ROR1: variants seen among roughly 807,000 people sequenced by gnomAD.
The protein encoded by ROR1 is ROR family WNT receptor 1, also known as inactive tyrosine-protein kinase transmembrane receptor ROR1.
Under a neutral mutation model 78.8 loss-of-function variants are expected in ROR1, and 19 were observed. That is an observed-to-expected ratio of 0.24 (90% confidence interval 0.17 to 0.35). The LOEUF is 0.35. ROR1 is among the 10% of genes least tolerant of loss of function. The probability of loss-of-function intolerance (pLI) is 1.00; values close to 1 mark genes in which losing one functional copy is unlikely to be tolerated. For synonymous variants in ROR1, 386 were observed against 433.6 expected (o/e 0.89, Z 1.36); for missense variants, 917 against 1,177.8 (o/e 0.78, Z 3.24).
intron 4 of ROR1, among the ~76,000 whole-genome samples, chr1:64,085,716 G>C (rs1285456279): frequency 6.6e-6 from 1 of 152,104 alleles, no homozygotes; most frequent in Non-Finnish European, 1.5e-5. Flanking sequence ...AGTGCACAGA[G>C]CTTCCCTGCA....
chr1:63,998,175 C>T (rs1570036047), intron 1 of ROR1, among the ~76,000 whole-genome samples: 1 of 152,024 alleles, frequency 6.6e-6, no homozygotes, highest in Non-Finnish European at 1.5e-5. Context: ...CCCTCCCTCT[C>T]AAGAAGTTTA....
intron 4 of ROR1, among the ~76,000 whole-genome samples, chr1:64,118,763 G>C (rs1353490007): frequency 6.6e-6 from 1 of 151,578 alleles, no homozygotes; most frequent in Admixed American, 6.6e-5. Flanking sequence ...ACAACACCCA[G>C]TTAACAAGCC....
chr1:64,111,087 T>C (rs986696405), intron 4 of ROR1: 15 of 152,298 alleles, frequency 9.8e-5, no homozygotes, highest in Admixed American at 4.6e-4. Flanking sequence ...TGTCAGTCCC[T>C]GGCATCACCT....
intron 1 of ROR1, among the ~76,000 whole-genome samples, chr1:63,788,543 C>T (rs566184392): frequency 3.3e-5 from 5 of 151,512 alleles, no homozygotes; most frequent in South Asian, 4.2e-4. Context: ...GGAAAGAGGC[C>T]GGCATTGATT....
intron 1 of ROR1, among the ~76,000 whole-genome samples, chr1:63,833,862 G>T (rs1355446546): frequency 6.6e-6 from 1 of 150,992 alleles, no homozygotes; most frequent in Non-Finnish European, 1.5e-5. Context: ...TTCTAGTTAT[G>T]CCCTTGAATG....
rs1649218733 is a variant in ROR1, at chr1:64,139,070, G to A, written c.611-1039G>A. Among the ~76,000 whole-genome samples the A allele has an allele frequency of 2.0e-5, 3 of 151,226 alleles. No individual in the cohort carries two copies. The South Asian group carries it at 6.2e-4, about 31-fold the overall frequency. On this transcript the variant is annotated intron_variant, in intron 5 of 8. Transcript: ENST00000371079. ...TAGTCCCAGCTATGTGGGAGGCTGA[G>A]GCATGAGAATCCCTTGAAACTGGAA...
intron 1 of ROR1, among the ~76,000 whole-genome samples, chr1:63,797,770 G>C (rs1644770223): frequency 6.6e-6 from 1 of 151,900 alleles, no homozygotes; most frequent in Admixed American, 6.5e-5. Flanking sequence ...TGTTTGTTAT[G>C]GTTATCATTT....
intron 1 of ROR1, among the ~76,000 whole-genome samples, chr1:63,943,093 TAAAAAA>T (rs56230309): frequency 5.2e-5 from 6 of 114,980 alleles, no homozygotes; most frequent in Admixed American, 9.5e-5. Context: ...ACCCTGTCTT[TAAAAAA>T]AAAAAAAAAA....
At chr1:64,095,637 G>T (rs1210517266) in intron 4 of ROR1, among the ~76,000 whole-genome samples, 1 of 152,072 alleles carries the variant, frequency 6.6e-6, no homozygotes, top group African/African-American at 2.4e-5. Flanking sequence ...GAATTCTATA[G>T]TTATCATTTG....
chr1:63,947,306 T>C (rs1024861054), intron 1 of ROR1, among the ~76,000 whole-genome samples: 13 of 152,214 alleles, frequency 8.5e-5, no homozygotes, highest in Non-Finnish European at 1.6e-4. Flanking sequence ...TTACCATCTA[T>C]GCTAATATGG....
chr1:63,850,960 G>T (rs1434284186), intron 1 of ROR1, among the ~76,000 whole-genome samples: 2 of 151,946 alleles, frequency 1.3e-5, no homozygotes, highest in African/African-American at 4.8e-5. Flanking sequence ...TGGTTTTTTG[G>T]TTTTTTGTTT....
intron 7 of ROR1, among the ~76,000 whole-genome samples, chr1:64,152,987 T>C (rs1245909421): frequency 1.3e-5 from 2 of 152,192 alleles, no homozygotes; most frequent in Non-Finnish European, 2.9e-5. Flanking sequence ...TGATCAAATG[T>C]TTTGCTAAAG....
chr1:63,780,643 G>C (rs979575086), intron 1 of ROR1, among the ~76,000 whole-genome samples: 2 of 152,150 alleles, frequency 1.3e-5, no homozygotes, highest in African/African-American at 4.8e-5. Context: ...CAAGGTTTTA[G>C]GACTCCAGAG....
intron 1 of ROR1, among the ~76,000 whole-genome samples, chr1:63,970,339 G>A (rs1047315109): frequency 6.6e-6 from 1 of 152,170 alleles, no homozygotes; most frequent in Non-Finnish European, 1.5e-5. Context: ...ATCTAGCCCA[G>A]TAATATGTAA....
At chr1:64,060,748 C>G (rs1293636049) in intron 4 of ROR1, among the ~76,000 whole-genome samples, 1 of 152,130 alleles carries the variant, frequency 6.6e-6, no homozygotes, top group Admixed American at 6.5e-5. Context: ...AGACTCAGCA[C>G]TCTGCAGAGA....
rs1314820792 is a variant in ROR1, at chr1:64,174,773, C to A, written c.1387-2655C>A. Among the ~76,000 whole-genome samples the A allele has an allele frequency of 2.6e-5, 4 of 152,212 alleles. No homozygotes were observed. In the East Asian group the frequency reaches 5.8e-4, roughly 22 times the overall value. ...CTTAATGTCATGCAGGAAAAATTCA[C>A]CTTGAGTTACTCTTGCCAGCAAAAG... On this transcript the variant is annotated intron_variant, in intron 8 of 8. Transcript: ENST00000371079.
intron 1 of ROR1, among the ~76,000 whole-genome samples, chr1:63,822,169 C>T (rs911934119): frequency 2.9e-4 from 44 of 152,182 alleles, no homozygotes; most frequent in African/African-American, 9.7e-4. Context: ...ACATGTGAAA[C>T]ACTAGAATGG....
chr1:63,876,288 T>C (rs893596037), intron 1 of ROR1, among the ~76,000 whole-genome samples: 1 of 152,166 alleles, frequency 6.6e-6, no homozygotes, highest in Non-Finnish European at 1.5e-5. Context: ...GTCTATTGAT[T>C]CATAAAAAAT....
intron 2 of ROR1, among the ~76,000 whole-genome samples, chr1:64,028,590 T>G (rs1646634451): frequency 6.6e-6 from 1 of 152,176 alleles, no homozygotes; most frequent in Admixed American, 6.6e-5. Flanking sequence ...TTCTAGAAGA[T>G]GCAATTGCCA....
Sources: gnomAD v4.1 joint callset for allele counts (sites outside exome capture counted in the v4.1 genomes callset) on GRCh38, gnomAD v4.1.1 for gene constraint, MANE v1.5 for transcripts, NCBI Gene and HGNC (gene_info 2026-07-23, HGNC 2026-07-21) for gene names.